Variants in REEP6 observed in about 807,000 individuals in gnomAD.
The protein encoded by REEP6 is receptor expression-enhancing protein 6.
Under a neutral mutation model 22.4 loss-of-function variants are expected in REEP6, and 19 were observed. The observed-to-expected ratio is 0.85, with a 90% CI of 0.59 to 1.25. REEP6 has a LOEUF of 1.25. Ranked by LOEUF, REEP6 falls within the 50% of genes most tolerant of loss-of-function variation. The pLI, the probability that REEP6 is intolerant of heterozygous loss-of-function variation, is 0.00. For missense variants in REEP6, 273 were observed against 251.9 expected (o/e 1.08, Z -0.57); for synonymous variants, 121 against 113.6 (o/e 1.06, Z -0.41).
chr19:1,496,186 CTG>C (rs2085004491), intron 3 of REEP6, 97 bp from the exon 4 acceptor site: 1 of 1,404,684 alleles, frequency 7.1e-7, no homozygotes, highest in African/African-American at 1.4e-5. Context: ...GACCCAGTGC[CTG>C]TCCAGGATGG....
intron 4 of REEP6, chr19:1,496,700 CTGTG>C (rs112644489): frequency 6.5e-5 from 43 of 658,928 alleles, no homozygotes; most frequent in Admixed American, 2.0e-4. Flanking sequence ...GAGATAGGAG[CTGTG>C]TGTGTGTGTG....
chr19:1,497,661 C>T lies in REEP6; in HGVS notation c.*450C>T. On this transcript the variant is annotated 3_prime_UTR_variant, in exon 5 of 5. Transcript: ENST00000233596. This position sits in a 1 kb window ranked among gnomAD's most constrained non-coding sequence, Gnocchi z 6.5. Reference sequence around the variant, plus strand: ...CAGCAGCAACATCCCCACGCAGCCCCCCAGCAAGTCCTCTGGCAAGCCGGA... The same window carrying T: ...CAGCAGCAACATCCCCACGCAGCCCTCCAGCAAGTCCTCTGGCAAGCCGGA... 6.2e-6 allele frequency: 3 copies of T among 481,296 alleles called. No homozygotes were observed. Among genetic ancestry groups the T allele is most frequent in the Non-Finnish European group, 4.3e-6 (1 of 234,290 alleles). The allele number at this position is 481,296 out of a possible 1,614,324, so 29.8% of individuals were successfully genotyped here. A position where few individuals can be genotyped will look rare whatever the true frequency, so the allele number is the denominator to read the frequency against.
rs765427133 is a variant in REEP6 at position 1,496,675 on chromosome 19, C to G, written c.517+222C>G. ...TCCACTCCCCTGGAAGCTGACCGTACGTAACCGCTGTGGGGAGATAGGAGC... is the reference window on the plus strand; with the variant it reads ...TCCACTCCCCTGGAAGCTGACCGTAGGTAACCGCTGTGGGGAGATAGGAGC... On this transcript the variant is annotated intron_variant, in intron 4 of 4. Coordinates refer to ENST00000233596, the MANE Select transcript of REEP6 (RefSeq NM_138393.4). 1 of 719,782 alleles carries G rather than the reference C, an allele frequency of 1.4e-6. No homozygotes were observed. The highest frequency in any genetic ancestry group is 2.0e-5 in the Admixed American group (1 of 50,182). 44.6% of individuals were successfully genotyped at this position (719,782 alleles called of 1,614,324 possible). A position where few individuals can be genotyped will look rare whatever the true frequency, so the allele number is the denominator to read the frequency against.
At chr19:1,496,903 C>T (rs1423884609) in intron 4 of REEP6, among the ~76,000 whole-genome samples, 1 of 152,022 alleles carries the variant, frequency 6.6e-6, no homozygotes, top group Non-Finnish European at 1.5e-5. Context: ...CCCACGTGTG[C>T]ATGTGAGTAT....
Position 1,497,733 on chromosome 19 carries a change from A to T in REEP6, c.*522A>T. ...CGGACAGCGCCAGAAGGAATCGTCG[A>T]AACAGCCTGCCAGCAGCGCCTCAGT... On this transcript the variant is annotated 3_prime_UTR_variant, in exon 5 of 5. Coordinates refer to ENST00000233596, the MANE Select transcript of REEP6 (RefSeq NM_138393.4). This position sits in a 1 kb window ranked among gnomAD's most constrained non-coding sequence, Gnocchi z 6.5. The T allele has an allele frequency of 2.1e-6, 1 of 471,082 alleles. No homozygotes were observed. Among genetic ancestry groups the T allele is most frequent in the South Asian group, 1.5e-5 (1 of 64,562 alleles). 29.2% of individuals were successfully genotyped at this position (471,082 alleles called of 1,614,324 possible).
intron 3 of REEP6, chr19:1,496,044 C>T (rs921876140): frequency 2.3e-5 from 13 of 568,670 alleles, no homozygotes; most frequent in Non-Finnish European, 4.0e-5. Flanking sequence ...GGTGGAGACC[C>T]AGGCCTGTCC....
chr19:1,496,153 C>A, intron 3 of REEP6, 132 bp from the exon 4 acceptor site: 1 of 1,159,996 alleles, frequency 8.6e-7, no homozygotes, highest in Non-Finnish European at 1.2e-6. Context: ...GCGGGCCCAC[C>A]CTAAAGGGTG....
Position 1,497,051 on chromosome 19 carries a change from G to T in REEP6, c.518-123G>T, listed in dbSNP as rs1021465577. On this transcript the variant is annotated intron_variant, in intron 4 of 4. Coordinates refer to ENST00000233596, the MANE Select transcript of REEP6 (RefSeq NM_138393.4). This position sits in a 1 kb window ranked among gnomAD's most constrained non-coding sequence, Gnocchi z 6.5. ...TGTGGTTGACACCATCTCTGCTGAGGGTGGCTGCCCGGCCCCTCGACTTGT... is the reference window on the plus strand; with the variant it reads ...TGTGGTTGACACCATCTCTGCTGAGTGTGGCTGCCCGGCCCCTCGACTTGT... 8.0e-6 allele frequency: 6 copies of T among 745,500 alleles called. No homozygotes were observed. The highest frequency in any genetic ancestry group is 1.8e-5 in the African/African-American group (1 of 56,620). 46.2% of individuals were successfully genotyped at this position (745,500 alleles called of 1,614,324 possible).
chr19:1,493,235 G>A (rs1229832726), intron 1 of REEP6, among the ~76,000 whole-genome samples: 4 of 152,240 alleles, frequency 2.6e-5, no homozygotes, highest in East Asian at 1.9e-4. Flanking sequence ...TCCTCCCCAC[G>A]AGCCAGGCCC....
chr19:1,493,732 C>CACACACACACACACACACACACACA (rs1555690909), intron 1 of REEP6, among the ~76,000 whole-genome samples: 1 of 151,742 alleles, frequency 6.6e-6, no homozygotes, highest in Non-Finnish European at 1.5e-5. Flanking sequence ...CACACACACA[C>CACACACACACACACACACACACACA]GTTTTTCTCT....
intron 1 of REEP6, among the ~76,000 whole-genome samples, chr19:1,494,013 C>G (rs546792427): frequency 6.6e-6 from 1 of 152,246 alleles, no homozygotes; most frequent in Admixed American, 6.5e-5. Flanking sequence ...GGGAGGCGAG[C>G]TTGTAGTGAC....
In REEP6 at chr19:1,497,161, C is replaced by CCCCCA; in HGVS notation, c.518-12_518-11insCCCAC. 7.0e-7 allele frequency: 1 copy of CCCCCA among 1,435,150 alleles called. No homozygotes were observed. Among genetic ancestry groups the CCCCCA allele is most frequent in the Non-Finnish European group, 9.2e-7 (1 of 1,089,708 alleles). 88.9% of individuals were successfully genotyped at this position (1,435,150 alleles called of 1,614,324 possible). On this transcript the variant is annotated splice_polypyrimidine_tract_variant and intron_variant, in intron 4 of 4. Transcript: ENST00000233596. This position sits in a 1 kb window ranked among gnomAD's most constrained non-coding sequence, Gnocchi z 6.5. ...GCCTCACGGCCCTCCCCCACCCGCC[C>CCCCCA]CTCTCTCTGCAGTCAAGCCAAGCCA...
Position 1,497,327 on chromosome 19 carries a change from C to T in REEP6, c.*116C>T. On this transcript the variant is annotated 3_prime_UTR_variant, in exon 5 of 5. Coordinates refer to ENST00000233596, the MANE Select transcript of REEP6 (RefSeq NM_138393.4). The surrounding 1 kb of genome is among the most constrained non-coding windows in gnomAD (Gnocchi z 6.5). ...CCCCAACAGCAGCCCCTGCCAGTCC[C>T]TCGGGTCCAGGCAAGGCCCTGGGGG... 3.0e-6 allele frequency: 3 copies of T among 1,008,260 alleles called. No homozygotes were observed. The highest frequency in any genetic ancestry group is 4.6e-6 in the Non-Finnish European group (3 of 651,618). The allele number at this position is 1,008,260 out of a possible 1,614,324, so 62.5% of individuals were successfully genotyped here.
At chr19:1,494,753 T>C (rs57028464) in intron 1 of REEP6, among the ~76,000 whole-genome samples, 60,586 of 151,834 alleles carry the variant, frequency 0.4, 12,591 homozygotes, top group Middle Eastern at 0.52. Flanking sequence ...GGCGCGATCT[T>C]GGCTCACTGC....
intron 4 of REEP6, 135 bp downstream of exon 4, chr19:1,496,588 C>A (rs1458060743): frequency 1.8e-6 from 2 of 1,138,904 alleles, no homozygotes; most frequent in South Asian, 1.3e-5. Flanking sequence ...TTCCGGGAAC[C>A]AGTCTTGCAG....
At position 1,497,255 on chromosome 19, in the gene REEP6, G is replaced by A. The variant is rs1353152125; in HGVS notation, c.*44G>A. Reference sequence around the variant, plus strand: ...ACAAGGACCTCCTGGCTGGTGAGGAGGGGGCCGCGCCAGGCTCCCAGGCCT... The same window carrying A: ...ACAAGGACCTCCTGGCTGGTGAGGAAGGGGCCGCGCCAGGCTCCCAGGCCT... On this transcript the variant is annotated 3_prime_UTR_variant, in exon 5 of 5. Coordinates refer to ENST00000233596, the MANE Select transcript of REEP6 (RefSeq NM_138393.4). This position sits in a 1 kb window ranked among gnomAD's most constrained non-coding sequence, Gnocchi z 6.5. 2.6e-6 allele frequency: 4 copies of A among 1,531,654 alleles called. No homozygotes were observed. The highest frequency in any genetic ancestry group is 1.7e-4 in the Middle Eastern group (1 of 5,916). 94.9% of individuals were successfully genotyped at this position (1,531,654 alleles called of 1,614,324 possible).
intron 1 of REEP6, among the ~76,000 whole-genome samples, chr19:1,492,867 T>G (rs2084977867): frequency 6.6e-6 from 1 of 152,186 alleles, no homozygotes; most frequent in Non-Finnish European, 1.5e-5. Flanking sequence ...GGCATGGGCA[T>G]GGCCCGGCTG....
At chr19:1,494,572 A>T (rs1407380637) in intron 1 of REEP6, among the ~76,000 whole-genome samples, 3 of 152,170 alleles carry the variant, frequency 2.0e-5, no homozygotes, top group Non-Finnish European at 4.4e-5. Context: ...CAGCTCTAGA[A>T]TCAAGTCTTC....
Position 1,491,283 on chromosome 19 carries a change from G to C in REEP6, c.14G>C (p.Arg5Thr), listed in dbSNP as rs1446357188. The C allele has an allele frequency of 6.8e-7, 1 of 1,468,150 alleles. No individual in the cohort carries two copies. Among genetic ancestry groups the C allele is most frequent in the Non-Finnish European group, 9.0e-7 (1 of 1,109,738 alleles). The allele number at this position is 1,468,150 out of a possible 1,614,324, so 90.9% of individuals were successfully genotyped here. Residue 5 changes from arginine (R) to threonine (T), a missense_variant, in exon 1 of 5, where the codon AGG (arginine) becomes ACG (threonine). Transcript: ENST00000233596. The surrounding 1 kb of genome is among the most constrained non-coding windows in gnomAD (Gnocchi z 5.4). MDGL[R>T]QRVEHFLEQR... ...CGCGTCGGGGCCATGGACGGCCTGA[G>C]GCAGCGCGTGGAGCACTTCCTGGAG... is the stretch of plus-strand genomic sequence containing the variant.
Sources: allele counts gnomAD v4.1 joint callset (sites outside exome capture counted in the v4.1 genomes callset), GRCh38; gene constraint gnomAD v4.1.1; non-coding constraint Gnocchi (gnomAD v3.1); transcripts MANE v1.5; gene names NCBI Gene and HGNC (gene_info 2026-07-23, HGNC 2026-07-21).